TPD52: variants seen among roughly 807,000 people sequenced by gnomAD.
TPD52 encodes the protein prostate and colon associated protein.
A neutral mutation model predicts 31.3 loss-of-function variants in TPD52; 17 were observed. The ratio of observed to expected loss-of-function variants is 0.54; its 90% confidence interval spans 0.37 to 0.82. The LOEUF (loss-of-function observed/expected upper bound fraction) is 0.82, where lower values mean the gene tolerates loss of function less well. Among genes scored for constraint, TPD52 ranks in the 40% least tolerant of loss-of-function variants. The probability of loss-of-function intolerance (pLI) is 0.00; values close to 1 mark genes in which losing one functional copy is unlikely to be tolerated. For missense variants in TPD52, 212 were observed against 240.1 expected, an observed-to-expected ratio of 0.88 and a Z score of 0.77; for synonymous variants, 83 against 89.6, an observed-to-expected ratio of 0.93 and a Z score of 0.42.
intron 1 of TPD52, among the ~76,000 whole-genome samples, chr8:80,131,226 G>C (rs549508341): frequency 3.9e-5 from 6 of 152,310 alleles, no homozygotes; most frequent in African/African-American, 1.4e-4. Flanking sequence ...GAAATATCCA[G>C]AATGGCTAAG....
intron 5 of TPD52, among the ~76,000 whole-genome samples, chr8:80,044,511 T>C (rs1386088723): frequency 6.6e-6 from 1 of 152,144 alleles, no homozygotes; most frequent in East Asian, 1.9e-4. Context: ...TGAGTTACCG[T>C]AGGTCACAGC....
At chr8:80,166,033 C>T (rs1282904446) in intron 1 of TPD52, among the ~76,000 whole-genome samples, 2 of 152,168 alleles carry the variant, frequency 1.3e-5, no homozygotes, top group Admixed American at 1.3e-4. Flanking sequence ...TGGAGCTGCT[C>T]TAGGCCAGGC....
At chr8:80,057,435 C>T (rs901194511) in intron 2 of TPD52, among the ~76,000 whole-genome samples, 32 of 152,282 alleles carry the variant, frequency 2.1e-4, no homozygotes, top group South Asian at 2.1e-4. Flanking sequence ...AAACCAACCC[C>T]GGTGCCCACT....
intron 5 of TPD52, among the ~76,000 whole-genome samples, chr8:80,044,412 C>A (rs1810648557): frequency 6.6e-6 from 1 of 152,150 alleles, no homozygotes; most frequent in Admixed American, 6.5e-5. Context: ...CCAGGAGTTA[C>A]TAGAGCTAAC....
At chr8:80,051,329 A>G in intron 4 of TPD52, 198 bp downstream of exon 4, 1 of 564,598 alleles carries the variant, frequency 1.8e-6, no homozygotes, top group South Asian at 2.2e-5. Flanking sequence ...TGATCATCAG[A>G]TGATCATTTG....
At chr8:80,057,595 C>G (rs1230598676) in intron 2 of TPD52, among the ~76,000 whole-genome samples, 1 of 152,094 alleles carries the variant, frequency 6.6e-6, no homozygotes, top group East Asian at 1.9e-4. Context: ...CATGTTCTGA[C>G]TTATAAGTGG....
At chr8:80,166,982 T>G (rs572769459) in intron 1 of TPD52, among the ~76,000 whole-genome samples, 13 of 152,328 alleles carry the variant, frequency 8.5e-5, no homozygotes, top group East Asian at 1.9e-4. Flanking sequence ...CTAACTATGA[T>G]TTCTCATTCT....
intron 1 of TPD52, among the ~76,000 whole-genome samples, chr8:80,108,865 ACT>A: frequency 6.6e-6 from 1 of 152,240 alleles, no homozygotes; most frequent in Non-Finnish European, 1.5e-5. Context: ...GGAAAAGTAT[ACT>A]TTTGTGAATA....
At chr8:80,104,475 A>C (rs1255554996) in intron 1 of TPD52, among the ~76,000 whole-genome samples, 1 of 151,950 alleles carries the variant, frequency 6.6e-6, no homozygotes, top group Non-Finnish European at 1.5e-5. Context: ...AGGGCCAAGC[A>C]CGGTGGCTCA....
At chr8:80,079,064 G>A (rs912668892) in intron 1 of TPD52, among the ~76,000 whole-genome samples, 2 of 152,110 alleles carry the variant, frequency 1.3e-5, no homozygotes, top group East Asian at 1.9e-4. Flanking sequence ...TCCCTCCCCC[G>A]CAAGTCACTT....
At chr8:80,112,745 CA>C (rs11288940) in intron 1 of TPD52, among the ~76,000 whole-genome samples, 67,330 of 151,836 alleles carry the variant, frequency 0.44, 15,388 homozygotes, top group East Asian at 0.79. Context: ...TCTTCATCAG[CA>C]ACCCCCCAAC....
intron 2 of TPD52, among the ~76,000 whole-genome samples, chr8:80,058,761 A>G (rs1812175892): frequency 6.6e-6 from 1 of 152,216 alleles, no homozygotes; most frequent in African/African-American, 2.4e-5. Context: ...TTATGCCACC[A>G]CACTCCAGCC....
intron 1 of TPD52, among the ~76,000 whole-genome samples, chr8:80,097,564 T>A (rs1203555845): frequency 6.6e-6 from 1 of 152,182 alleles, no homozygotes; most frequent in Non-Finnish European, 1.5e-5. Flanking sequence ...CTCCCCACTT[T>A]GCTCTCTTCC....
At chr8:80,135,002 G>A (rs1809289321) in intron 1 of TPD52, among the ~76,000 whole-genome samples, 1 of 152,164 alleles carries the variant, frequency 6.6e-6, no homozygotes, top group Non-Finnish European at 1.5e-5. Flanking sequence ...ACAAGAACTG[G>A]GATCCCAAGA....
rs930706524 is a variant in TPD52 at position 80,036,406 on chromosome 8, G to A, written c.*1710C>T. 1 of 152,502 alleles carries A rather than the reference G, an allele frequency of 6.6e-6. No homozygotes were observed. Among genetic ancestry groups the A allele is most frequent in the Non-Finnish European group, 1.5e-5 (1 of 68,004 alleles). 9.4% of individuals were successfully genotyped at this position (152,502 alleles called of 1,614,324 possible). A position where few individuals can be genotyped will look rare whatever the true frequency, so the allele number is the denominator to read the frequency against. ...GACTTCTACAGATCCACTCCTCTGA[G>A]AAAATGCTTCAACAGCCTGTGCCTT... On this transcript the variant is annotated 3_prime_UTR_variant, in exon 8 of 8. Transcript: ENST00000518937.
intron 1 of TPD52, among the ~76,000 whole-genome samples, chr8:80,169,960 G>A (rs902098729): frequency 1.3e-4 from 20 of 152,096 alleles, no homozygotes; most frequent in Non-Finnish European, 2.8e-4. Context: ...GTATATATAC[G>A]TTATACAGGT....
intron 5 of TPD52, among the ~76,000 whole-genome samples, chr8:80,048,511 C>A (rs1009298440): frequency 6.6e-6 from 1 of 152,216 alleles, no homozygotes; most frequent in African/African-American, 2.4e-5. Context: ...ACTGTATCCA[C>A]CTCCATGGGA....
At chr8:80,145,245 G>A (rs906331008) in intron 1 of TPD52, among the ~76,000 whole-genome samples, 1 of 152,222 alleles carries the variant, frequency 6.6e-6, no homozygotes, top group Non-Finnish European at 1.5e-5. Flanking sequence ...GAACAGCTAA[G>A]TGAAAAGCAG....
chr8:80,040,553 C>T (rs1298470015), intron 7 of TPD52, among the ~76,000 whole-genome samples: 1 of 152,096 alleles, frequency 6.6e-6, no homozygotes, highest in African/African-American at 2.4e-5. Flanking sequence ...TATTTTAAAG[C>T]AGACTTCATT....
Sources: gnomAD v4.1 joint callset for allele counts (sites outside exome capture counted in the v4.1 genomes callset) on GRCh38, gnomAD v4.1.1 for gene constraint, MANE v1.5 for transcripts, NCBI Gene and HGNC (gene_info 2026-07-23, HGNC 2026-07-21) for gene names.